EMG1: variants seen among roughly 807,000 people sequenced by gnomAD.
EMG1 encodes the protein EMG1 N1-specific pseudouridine methyltransferase.
A neutral mutation model predicts 26.9 loss-of-function variants in EMG1; 24 were observed. The ratio of observed to expected loss-of-function variants is 0.89; its 90% CI spans 0.65 to 1.26. The LOEUF (loss-of-function observed/expected upper bound fraction) is 1.26. Ranked by LOEUF, EMG1 falls within the 50% of genes most tolerant of loss-of-function variation. The pLI is 0.00. For synonymous variants in EMG1, 140 were observed against 112.6 expected (o/e 1.24, Z -1.54); for missense variants, 299 against 307.6 (o/e 0.97, Z 0.21).
chr12:6,980,112 G>A (rs1555153886), downstream of EMG1: 1 of 150,182 alleles, frequency 6.7e-6, no homozygotes, highest in Admixed American at 6.7e-5. Flanking sequence ...CAGAGGCATA[G>A]TCATTGCTCG....
downstream of EMG1, chr12:6,980,707 TATATTTC>T: frequency 4.8e-6 from 1 of 206,728 alleles, no homozygotes; most frequent in South Asian, 1.7e-4. Context: ...CAATCATAAA[TATATTTC>T]ATATATACAT....
intron 1 of EMG1, among the ~76,000 whole-genome samples, chr12:6,971,982 C>T (rs1040914255): frequency 2.6e-5 from 4 of 152,176 alleles, no homozygotes; most frequent in African/African-American, 9.7e-5. Flanking sequence ...TTTCTCTTAC[C>T]CGTTAGAACT....
chr12:6,977,825 G>A lies in EMG1; in HGVS notation c.*2016G>A. On this transcript the variant is annotated 3_prime_UTR_variant, in exon 6 of 6. Coordinates refer to ENST00000599672, the MANE Select transcript of EMG1 (RefSeq NM_006331.8). This position sits in a 1 kb window ranked among gnomAD's most constrained non-coding sequence, Gnocchi z 4.5. ...CCACCTGCCTCTGGGTCCTCACCCT[G>A]AGGATTGGATTGGAGTGCTGGTGGG... 2.6e-6 allele frequency: 4 copies of A among 1,561,696 alleles called. No individual in the cohort carries two copies. Among genetic ancestry groups the A allele is most frequent in the Non-Finnish European group, 3.5e-6 (4 of 1,139,918 alleles).
Position 6,977,122 on chromosome 12 carries a change from G to T in EMG1, c.*1313G>T. 2 of 1,476,164 alleles carry T rather than the reference G, an allele frequency of 1.4e-6. No homozygotes were observed. The highest frequency in any genetic ancestry group is 1.9e-6 in the Non-Finnish European group (2 of 1,054,780). The allele number at this position is 1,476,164 out of a possible 1,614,324, so 91.4% of individuals were successfully genotyped here. On this transcript the variant is annotated 3_prime_UTR_variant, in exon 6 of 6. Coordinates refer to ENST00000599672, the MANE Select transcript of EMG1 (RefSeq NM_006331.8). The surrounding 1 kb of genome is among the most constrained non-coding windows in gnomAD (Gnocchi z 4.5). Reference sequence around the variant, plus strand: ...ACCTGGTGGTAGTTTTAGTTTAGCTGTATTAACTTACCAGGGAAATGGATT... The same window carrying T: ...ACCTGGTGGTAGTTTTAGTTTAGCTTTATTAACTTACCAGGGAAATGGATT...
chr12:6,993,969 C>T (rs1555155796), intron 7 of EMG1, among the ~76,000 whole-genome samples: 1 of 152,080 alleles, frequency 6.6e-6, no homozygotes, highest in East Asian at 1.9e-4. Context: ...GGGTTGTTTC[C>T]ACTTTAGGAA....
chr12:6,983,653 AACAT>A (rs1946494292), downstream of EMG1: 1 of 681,828 alleles, frequency 1.5e-6, no homozygotes, highest in African/African-American at 1.8e-5. Context: ...AAAAAAAAAC[AACAT>A]ACATTATATG....
In EMG1 at chr12:6,970,977, G is replaced by A; in HGVS notation, c.54G>A (p.Gln18=). ...CTCGTGAACGAAGCGGTGGGGAGCA[G>A]GCACAGGACTGGGATGCTCTGCCAC... ...FKPRERSGGE[Q]AQDWDALPPK... The change falls in exon 1 of 6, where the codon CAG becomes CAA. Residue 18 remains glutamine, a synonymous_variant. Coordinates refer to ENST00000599672, the MANE Select transcript of EMG1 (RefSeq NM_006331.8). 1.2e-6 allele frequency: 2 copies of A among 1,612,982 alleles called. No individual in the cohort carries two copies. Among genetic ancestry groups the A allele is most frequent in the Non-Finnish European group, 1.7e-6 (2 of 1,179,450 alleles).
chr12:6,974,636 G>A lies in EMG1; in HGVS notation c.355G>A (p.Glu119Lys). ...CCATACACAGAAGAATGTTCTGATT[G>A]AAGTGAATCCCCAGACCCGAATTCC... ...YIHTQKNVLI[E>K]VNPQTRIPRT... Residue 119 changes from glutamate to lysine, a missense_variant, in exon 3 of 6, where the codon GAA becomes AAA. Transcript: ENST00000599672. The A allele has an allele frequency of 6.2e-7, 1 of 1,614,006 alleles. No homozygotes were observed. Among genetic ancestry groups the A allele is most frequent in the Non-Finnish European group, 8.5e-7 (1 of 1,179,896 alleles).
chr12:6,972,811 A>C (rs1318203741), intron 1 of EMG1, among the ~76,000 whole-genome samples: 2 of 151,976 alleles, frequency 1.3e-5, no homozygotes, highest in African/African-American at 4.8e-5. Flanking sequence ...ATTTTCCTCA[A>C]AATTTCCTTT....
At chr12:6,981,976 C>T, downstream of EMG1, 1 of 846,158 alleles carries the variant, frequency 1.2e-6, no homozygotes, top group African/African-American at 1.7e-5. Context: ...TCAATGTTCT[C>T]TTTCCTTTTT....
intron 7 of EMG1, among the ~76,000 whole-genome samples, chr12:6,996,843 A>G (rs138922103): frequency 1.2e-3 from 180 of 152,352 alleles, no homozygotes; most frequent in African/African-American, 3.4e-3. Context: ...TGAACAGAGA[A>G]GAGATGACGG....
rs1555153594 is a variant in EMG1 at position 6,978,379 on chromosome 12, A to G, written c.*2570A>G. ...CGTTGGTGTTGATGTTGAATGAGGC[A>G]ATGGTGCCAGTGAAGCGGGGGTTTG... On this transcript the variant is annotated 3_prime_UTR_variant, in exon 6 of 6. Coordinates refer to ENST00000599672, the MANE Select transcript of EMG1 (RefSeq NM_006331.8). The G allele has an allele frequency of 1.2e-6, 2 of 1,613,492 alleles. No homozygotes were observed. Among genetic ancestry groups the G allele is most frequent in the Admixed American group, 1.7e-5 (1 of 59,964 alleles).
intron 1 of EMG1, among the ~76,000 whole-genome samples, chr12:6,973,561 ATTTC>A (rs1555152553): frequency 6.6e-6 from 1 of 151,006 alleles, no homozygotes; most frequent in East Asian, 2.0e-4. Context: ...TAGTTTTCAC[ATTTC>A]TTTTTTTTGA....
downstream of EMG1, among the ~76,000 whole-genome samples, chr12:6,993,205 G>A (rs1264633079): frequency 2.6e-5 from 4 of 151,964 alleles, no homozygotes; most frequent in Admixed American, 6.6e-5. Flanking sequence ...TTTGGGAGCC[G>A]GAGGAGGGCA....
downstream of EMG1, chr12:6,982,620 C>T (rs2138333865): frequency 2.2e-6 from 3 of 1,338,534 alleles, no homozygotes; most frequent in South Asian, 2.4e-5. Flanking sequence ...CTGCCTACCC[C>T]TGTCCCCTGA....
At chr12:6,994,838 C>G (rs942327894) in intron 7 of EMG1, among the ~76,000 whole-genome samples, 34 of 152,202 alleles carry the variant, frequency 2.2e-4, no homozygotes, top group African/African-American at 8.2e-4. Flanking sequence ...CCGTTTCTTT[C>G]ACCGAAGGCA....
In EMG1 at chr12:6,977,688, C is replaced by T. The variant is rs140765444; in HGVS notation, c.*1879C>T. 6.8e-5 allele frequency: 110 copies of T among 1,614,200 alleles called. No individual in the cohort carries two copies. The African/African-American group carries it at 9.9e-4, about 14-fold the overall frequency. ...CGTGCCAGAGGGCCAGGAATAGCAA[C>T]GAGAGACCCTGAGAGAGTTCTTTAT... On this transcript the variant is annotated 3_prime_UTR_variant, in exon 6 of 6. Transcript: ENST00000599672. The surrounding 1 kb of genome is among the most constrained non-coding windows in gnomAD (Gnocchi z 4.5).
downstream of EMG1, chr12:6,981,455 G>GC: frequency 2.3e-6 from 2 of 875,338 alleles, no homozygotes; most frequent in Non-Finnish European, 3.8e-6. Context: ...CTTGCTCAGT[G>GC]CTATCTGAAA....
rs1946445785 is a variant in EMG1 at position 6,979,357 on chromosome 12, C to T, written c.*3548C>T. 1 of 782,666 alleles carries T rather than the reference C, an allele frequency of 1.3e-6. No homozygotes were observed. The highest frequency in any genetic ancestry group is 2.1e-6 in the Non-Finnish European group (1 of 470,720). The allele number at this position is 782,666 out of a possible 1,614,324, so 48.5% of individuals were successfully genotyped here. A position where few individuals can be genotyped will look rare whatever the true frequency, so the allele number is the denominator to read the frequency against. ...ACAACTCACAGATCTAGAGCAAAAC[C>T]AACATGCACTTGTAGATGATATTTC... On this transcript the variant is annotated 3_prime_UTR_variant, in exon 6 of 6. Transcript: ENST00000599672.
Sources: allele counts gnomAD v4.1 joint callset (sites outside exome capture counted in the v4.1 genomes callset), GRCh38; gene constraint gnomAD v4.1.1; non-coding constraint Gnocchi (gnomAD v3.1); transcripts MANE v1.5; gene names NCBI Gene and HGNC (gene_info 2026-07-23, HGNC 2026-07-21).